The following LOC128092253 variants were observed in gnomAD, a reference collection of about 807,000 sequenced individuals.
At chr6:133,956,552 G>A in the LOC128092253 span, among the ~76,000 whole-genome samples, 1 of 148,194 alleles carries the variant, frequency 6.7e-6, no homozygotes, top group Non-Finnish European at 1.5e-5. Context: ...AGGATCAGGA[G>A]TATGAGTAGC....
the LOC128092253 span, among the ~76,000 whole-genome samples, chr6:133,960,414 C>T: frequency 6.8e-6 from 1 of 146,828 alleles, no homozygotes; most frequent in African/African-American, 2.6e-5. Context: ...TTTGGCTGAC[C>T]AGCCTTTTTT....
chr6:133,966,693 T>C, the LOC128092253 span, among the ~76,000 whole-genome samples: 2 of 152,208 alleles, frequency 1.3e-5, no homozygotes, highest in Non-Finnish European at 2.9e-5. Context: ...GTAAATAGTA[T>C]CTTAGGCCAC....
At chr6:133,975,767 G>A in the LOC128092253 span, among the ~76,000 whole-genome samples, 1 of 152,204 alleles carries the variant, frequency 6.6e-6, no homozygotes, top group East Asian at 1.9e-4. Context: ...GCAATTGAAA[G>A]TAGAGGCTTT....
the LOC128092253 span, among the ~76,000 whole-genome samples, chr6:133,973,280 C>T: frequency 1.3e-5 from 2 of 152,152 alleles, no homozygotes; most frequent in Non-Finnish European, 2.9e-5. Context: ...ATTATCAGTC[C>T]TCCCCTGCTT....
chr6:133,964,529 C>A, the LOC128092253 span, among the ~76,000 whole-genome samples: 1 of 150,984 alleles, frequency 6.6e-6, no homozygotes. Context: ...TGGCTCACTG[C>A]AAGCTCCGTC....
the LOC128092253 span, among the ~76,000 whole-genome samples, chr6:133,967,448 A>G: frequency 6.6e-6 from 1 of 152,196 alleles, no homozygotes; most frequent in African/African-American, 2.4e-5. Flanking sequence ...AGAAATACAA[A>G]TGGTTAGTAA....
At chr6:133,954,365 T>G in the LOC128092253 span, among the ~76,000 whole-genome samples, 10 of 151,964 alleles carry the variant, frequency 6.6e-5, no homozygotes, top group South Asian at 6.2e-4. Flanking sequence ...TGGGAAAATA[T>G]AAAAAGAGAC....
At chr6:133,957,539 C>T in the LOC128092253 span, among the ~76,000 whole-genome samples, 3 of 152,312 alleles carry the variant, frequency 2.0e-5, no homozygotes, top group Middle Eastern at 3.4e-3. Flanking sequence ...CAGGTGTTAA[C>T]GTTCCCGCTC....
the LOC128092253 span, among the ~76,000 whole-genome samples, chr6:133,969,144 TATC>T: frequency 6.6e-6 from 1 of 152,304 alleles, no homozygotes; most frequent in South Asian, 2.1e-4. Context: ...CCATTGAACT[TATC>T]TTTTCTTAAG....
At chr6:133,954,636 A>G in the LOC128092253 span, among the ~76,000 whole-genome samples, 2 of 152,254 alleles carry the variant, frequency 1.3e-5, no homozygotes, top group Admixed American at 6.5e-5. Flanking sequence ...TATACATACA[A>G]AGTTCTTTAT....
At chr6:133,957,222 TG>T in the LOC128092253 span, among the ~76,000 whole-genome samples, 1 of 152,178 alleles carries the variant, frequency 6.6e-6, no homozygotes. Flanking sequence ...TGCCTTTGTG[TG>T]GGAGTCAATA....
chr6:133,965,992 C>T, the LOC128092253 span, among the ~76,000 whole-genome samples: 1 of 152,054 alleles, frequency 6.6e-6, no homozygotes, highest in South Asian at 2.1e-4. Context: ...GTTAACTTAC[C>T]CACAGTCATA....
At chr6:133,965,785 T>A in the LOC128092253 span, among the ~76,000 whole-genome samples, 1 of 152,182 alleles carries the variant, frequency 6.6e-6, no homozygotes, top group African/African-American at 2.4e-5. Context: ...AGAAATCCTT[T>A]CCATTTTTGA....
the LOC128092253 span, among the ~76,000 whole-genome samples, chr6:133,976,453 CAT>C: frequency 1.3e-5 from 2 of 152,128 alleles, no homozygotes; most frequent in Non-Finnish European, 2.9e-5. Context: ...TAGGTACCAT[CAT>C]AGTCATAAAC....
At chr6:133,956,555 T>TG in the LOC128092253 span, among the ~76,000 whole-genome samples, 1 of 147,832 alleles carries the variant, frequency 6.8e-6, no homozygotes, top group Non-Finnish European at 1.5e-5. Context: ...ATCAGGAGTA[T>TG]GAGTAGCCAT....
At chr6:133,960,721 CT>C in the LOC128092253 span, among the ~76,000 whole-genome samples, 2 of 152,124 alleles carry the variant, frequency 1.3e-5, no homozygotes, top group African/African-American at 4.8e-5. Flanking sequence ...CCCTGTTTAA[CT>C]TTAACTGAAT....
chr6:133,973,199 C>G, the LOC128092253 span, among the ~76,000 whole-genome samples: 96,575 of 151,986 alleles, frequency 0.64, 31,559 homozygotes, highest in African/African-American at 0.73. Flanking sequence ...TTTGAATGGC[C>G]TGTCTTTCTT....
At chr6:133,967,847 A>G in the LOC128092253 span, among the ~76,000 whole-genome samples, 1 of 152,214 alleles carries the variant, frequency 6.6e-6, no homozygotes, top group South Asian at 2.1e-4. Context: ...AGGTTGTCCA[A>G]GATTTTTATA....
the LOC128092253 span, among the ~76,000 whole-genome samples, chr6:133,964,265 C>T: frequency 6.6e-6 from 1 of 152,082 alleles, no homozygotes; most frequent in African/African-American, 2.4e-5. Context: ...GAGTGACGCA[C>T]CCTTCAACCA....
Sources: allele counts gnomAD v4.1 joint callset (sites outside exome capture counted in the v4.1 genomes callset), GRCh38; gene constraint gnomAD v4.1.1; transcripts MANE v1.5.